SPAG16: variants seen among roughly 807,000 people sequenced by gnomAD.
The protein encoded by SPAG16 is sperm-associated antigen 16 protein.
SPAG16 carries 86 observed loss-of-function variants against 80.4 expected under a neutral mutation model. The observed-to-expected ratio is 1.07, with a 90% CI of 0.90 to 1.28. The LOEUF (loss-of-function observed/expected upper bound fraction) is 1.28. Ranked by LOEUF, SPAG16 falls within the 50% of genes most tolerant of loss-of-function variation. SPAG16 has a pLI of 0.00. For missense variants in SPAG16, 870 were observed against 765.3 expected, an observed-to-expected ratio of 1.14 and a Z score of -1.61; for synonymous variants, 294 against 265.9, an observed-to-expected ratio of 1.11 and a Z score of -1.03.
intron 15 of SPAG16, among the ~76,000 whole-genome samples, chr2:214,192,245 G>C (rs1233072503): frequency 6.6e-6 from 1 of 152,100 alleles, no homozygotes; most frequent in Non-Finnish European, 1.5e-5. Flanking sequence ...GCACGCAAAT[G>C]ATTGATATAG....
chr2:214,030,923 TAGCTC>T (rs2048374547), intron 13 of SPAG16, among the ~76,000 whole-genome samples: 1 of 152,230 alleles, frequency 6.6e-6, no homozygotes, highest in Non-Finnish European at 1.5e-5. Flanking sequence ...ACTGGATAAA[TAGCTC>T]AGCATTGTTG....
chr2:214,293,725 G>A (rs977405465), intron 15 of SPAG16, among the ~76,000 whole-genome samples: 3 of 152,104 alleles, frequency 2.0e-5, no homozygotes, highest in Non-Finnish European at 4.4e-5. Context: ...TAGCAGCAGT[G>A]GTATTTCTCC....
intron 13 of SPAG16, among the ~76,000 whole-genome samples, chr2:214,083,078 C>T (rs1313823073): frequency 6.6e-6 from 1 of 152,138 alleles, no homozygotes; most frequent in African/African-American, 2.4e-5. Flanking sequence ...GATGAATTTA[C>T]TTTCAGGTCT....
Position 214,014,083 on chromosome 2 carries a change from C to T in SPAG16, c.1527+6C>T, listed in dbSNP as rs1386329081. The T allele has an allele frequency of 2.5e-6, 4 of 1,611,482 alleles. No homozygotes were observed. Among genetic ancestry groups the T allele is most frequent in the Non-Finnish European group, 3.4e-6 (4 of 1,179,120 alleles). On this transcript the variant is annotated splice_donor_region_variant and intron_variant, in intron 13 of 15. Coordinates refer to ENST00000331683, the MANE Select transcript of SPAG16 (RefSeq NM_024532.5). ...CTATATGGGATGCAAGAACAGTAAG[C>T]AAATCATTCACTTTTTTTCCCAGCT... is the stretch of plus-strand genomic sequence containing the variant.
chr2:213,758,642 G>A (rs2068477230), intron 10 of SPAG16, among the ~76,000 whole-genome samples: 1 of 151,974 alleles, frequency 6.6e-6, no homozygotes, highest in South Asian at 2.1e-4. Context: ...TGGAAATCAA[G>A]GAACAGAAGG....
chr2:213,429,485 A>G (rs997160123), intron 9 of SPAG16, among the ~76,000 whole-genome samples: 8 of 152,230 alleles, frequency 5.3e-5, no homozygotes, highest in Admixed American at 3.3e-4. Flanking sequence ...CCCTATTGCT[A>G]TCACCACAGA....
chr2:213,893,088 G>T (rs1239040103), intron 11 of SPAG16, among the ~76,000 whole-genome samples: 1 of 152,078 alleles, frequency 6.6e-6, no homozygotes, highest in Non-Finnish European at 1.5e-5. Flanking sequence ...ATAAAAAGGA[G>T]TTCCAGTTCA....
intron 10 of SPAG16, among the ~76,000 whole-genome samples, chr2:213,849,890 G>A (rs2074816409): frequency 6.6e-6 from 1 of 152,084 alleles, no homozygotes; most frequent in Non-Finnish European, 1.5e-5. Flanking sequence ...CTTTATTATT[G>A]AAATGGGTTT....
chr2:213,958,439 G>T (rs2044255083), intron 12 of SPAG16, among the ~76,000 whole-genome samples: 1 of 152,102 alleles, frequency 6.6e-6, no homozygotes, highest in African/African-American at 2.4e-5. Context: ...TGGAAACTAT[G>T]CAAAGTGTGA....
chr2:213,958,241 T>G (rs1443919178), intron 12 of SPAG16, among the ~76,000 whole-genome samples: 2 of 151,944 alleles, frequency 1.3e-5, no homozygotes, highest in Non-Finnish European at 2.9e-5. Context: ...TTCCGTGGAG[T>G]CTGTGACTGA....
chr2:213,540,029 ATTTTTT>A (rs58117443), intron 10 of SPAG16, among the ~76,000 whole-genome samples: 4 of 110,816 alleles, frequency 3.6e-5, no homozygotes, highest in Non-Finnish European at 5.5e-5. Context: ...ATATTTCTTA[ATTTTTT>A]TTTTTTTTTT....
intron 15 of SPAG16, among the ~76,000 whole-genome samples, chr2:214,158,699 T>A (rs2056317332): frequency 6.6e-6 from 1 of 151,998 alleles, no homozygotes; most frequent in Non-Finnish European, 1.5e-5. Flanking sequence ...ATATTTATAA[T>A]TTTTGTTTAG....
chr2:213,481,331 G>A (rs953995325), intron 9 of SPAG16, among the ~76,000 whole-genome samples: 1 of 152,166 alleles, frequency 6.6e-6, no homozygotes, highest in East Asian at 1.9e-4. Flanking sequence ...TAGAGAAACT[G>A]CCTTACTTTC....
At chr2:213,577,254 A>C (rs771249141) in intron 10 of SPAG16, among the ~76,000 whole-genome samples, 3 of 152,182 alleles carry the variant, frequency 2.0e-5, no homozygotes, top group Non-Finnish European at 2.9e-5. Context: ...GATAACCAGA[A>C]GTACATCCTT....
intron 11 of SPAG16, among the ~76,000 whole-genome samples, chr2:213,896,949 G>A (rs1224258137): frequency 1.3e-5 from 2 of 151,986 alleles, no homozygotes; most frequent in Non-Finnish European, 2.9e-5. Context: ...AAGAGAAGTT[G>A]ATTAATGGGT....
intron 15 of SPAG16, among the ~76,000 whole-genome samples, chr2:214,352,050 C>T (rs1209447705): frequency 6.9e-6 from 1 of 144,688 alleles, no homozygotes; most frequent in Non-Finnish European, 1.5e-5. Flanking sequence ...TTGCTGTGTC[C>T]TCCCATGGCA....
chr2:213,774,319 T>G (rs1306077978), intron 10 of SPAG16, among the ~76,000 whole-genome samples: 3 of 152,200 alleles, frequency 2.0e-5, no homozygotes, highest in Non-Finnish European at 4.4e-5. Context: ...TTACGAAAAC[T>G]CTATGAGAGT....
rs151252225 is a variant in SPAG16 at position 214,184,647 on chromosome 2, A to T, written c.1720+35381A>T. Among the ~76,000 whole-genome samples, 1,201 of 152,184 alleles carry T rather than the reference A, an allele frequency of 7.9e-3. 9 individuals are homozygous for T. Among genetic ancestry groups the T allele is most frequent in the Middle Eastern group, 0.031 (9 of 294 alleles). On this transcript the variant is annotated intron_variant, in intron 15 of 15. Coordinates refer to ENST00000331683, the MANE Select transcript of SPAG16 (RefSeq NM_024532.5). ...AAACAAAAGGTCATAATTTGATAAA[A>T]ATCTTATTGCCTGATAGCTCGCAGA...
chr2:213,883,662 A>G (rs765645386), intron 11 of SPAG16, among the ~76,000 whole-genome samples: 2 of 150,244 alleles, frequency 1.3e-5, no homozygotes, highest in African/African-American at 2.4e-5. Context: ...TGATATGCCA[A>G]GAAGAACTTG....
Sources: gnomAD v4.1 joint callset for allele counts (sites outside exome capture counted in the v4.1 genomes callset) on GRCh38, gnomAD v4.1.1 for gene constraint, MANE v1.5 for transcripts, NCBI Gene and HGNC (gene_info 2026-07-23, HGNC 2026-07-21) for gene names.